HS2ST1: variants seen among roughly 807,000 people sequenced by gnomAD.
The protein encoded by HS2ST1 is 2-O-sulfotransferase.
HS2ST1 carries 18 observed loss-of-function variants against 42.9 expected under a neutral mutation model. That is an observed-to-expected ratio of 0.42 (90% confidence interval 0.29 to 0.62). HS2ST1 has a LOEUF of 0.62. Among genes scored for constraint, HS2ST1 ranks in the 20% least tolerant of loss-of-function variants. The pLI, the probability that HS2ST1 is intolerant of heterozygous loss-of-function variation, is 0.21. For missense variants in HS2ST1, 334 were observed against 433.8 expected (o/e 0.77, Z 2.04); for synonymous variants, 146 against 152.9 (o/e 0.95, Z 0.33).
At chr1:87,053,463 C>G (rs999877031) in intron 1 of HS2ST1, among the ~76,000 whole-genome samples, 1 of 152,014 alleles carries the variant, frequency 6.6e-6, no homozygotes, top group African/African-American at 2.4e-5. Context: ...ATTTTTCCAC[C>G]AGTATGTGCA....
At chr1:86,982,615 C>T (rs188673653) in intron 1 of HS2ST1, among the ~76,000 whole-genome samples, 8 of 152,124 alleles carry the variant, frequency 5.3e-5, no homozygotes, top group South Asian at 2.1e-4. Context: ...CCCAGGTTCA[C>T]GCCATTCTCC....
chr1:87,033,689 C>T (rs1330411088), intron 1 of HS2ST1, among the ~76,000 whole-genome samples: 1 of 152,004 alleles, frequency 6.6e-6, no homozygotes, highest in Non-Finnish European at 1.5e-5. Flanking sequence ...ATTACAGGCG[C>T]CTGCCACCAC....
rs142939722 is a variant in HS2ST1 at position 87,034,865 on chromosome 1, A to G, written c.125-38069A>G. Among the ~76,000 whole-genome samples the G allele has an allele frequency of 4.6e-5, 7 of 152,324 alleles. No homozygotes were observed. The East Asian group carries it at 1.3e-3, about 29-fold the overall frequency. On this transcript the variant is annotated intron_variant, in intron 1 of 6. Transcript: ENST00000370550. The stretch of plus-strand genomic sequence containing the variant: ...TATGTCACTTTATATGGCAAAAAGG[A>G]CTTTGTAGGTGTGATTAAATTAAGG...
At chr1:86,926,319 G>C (rs1274134580) in intron 1 of HS2ST1, among the ~76,000 whole-genome samples, 1 of 152,092 alleles carries the variant, frequency 6.6e-6, no homozygotes, top group African/African-American at 2.4e-5. Flanking sequence ...TCTGTTTTTA[G>C]CTCTGTCCTC....
chr1:87,063,518 G>A (rs760289280), intron 1 of HS2ST1, among the ~76,000 whole-genome samples: 3 of 151,982 alleles, frequency 2.0e-5, no homozygotes, highest in Non-Finnish European at 2.9e-5. Context: ...TGTATTTTTG[G>A]TAGAGACAAG....
At chr1:87,062,173 T>C (rs548554866) in intron 1 of HS2ST1, among the ~76,000 whole-genome samples, 1 of 152,154 alleles carries the variant, frequency 6.6e-6, no homozygotes, top group Non-Finnish European at 1.5e-5. Context: ...AATTTTGATT[T>C]GCTTATTTTC....
intron 1 of HS2ST1, 100 bp downstream of exon 1, chr1:86,915,260 G>C (rs1297944820): frequency 3.6e-6 from 5 of 1,379,046 alleles, no homozygotes; most frequent in African/African-American, 1.5e-5. Context: ...GGTCTGGCTC[G>C]GGGGCTGAAA....
intron 1 of HS2ST1, among the ~76,000 whole-genome samples, chr1:87,011,094 TTTCTTATAGAAAAATATTCCTATGAA>T (rs1327034306): frequency 6.6e-6 from 1 of 151,016 alleles, no homozygotes; most frequent in Admixed American, 6.6e-5. Flanking sequence ...CCTCTTCACA[TTTCTTATAGAAAAATATTCCTATGAA>T]TGAGTAGCAA....
chr1:86,936,081 C>T (rs1052340190), intron 1 of HS2ST1, among the ~76,000 whole-genome samples: 8 of 145,498 alleles, frequency 5.5e-5, no homozygotes, highest in African/African-American at 2.2e-4. Context: ...TGGCTTTCTA[C>T]TACATTTCTC....
At chr1:87,079,640 A>G (rs1166871959) in intron 2 of HS2ST1, among the ~76,000 whole-genome samples, 1 of 152,184 alleles carries the variant, frequency 6.6e-6, no homozygotes, top group Non-Finnish European at 1.5e-5. Flanking sequence ...TTAAATGCTG[A>G]TGAGATGAAA....
chr1:86,966,732 T>G (rs1050312802), intron 1 of HS2ST1, among the ~76,000 whole-genome samples: 1 of 152,222 alleles, frequency 6.6e-6, no homozygotes, highest in Admixed American at 6.5e-5. Context: ...CAGCACATGC[T>G]ACCATGCCCA....
chr1:86,967,010 G>C (rs1648067169), intron 1 of HS2ST1, among the ~76,000 whole-genome samples: 1 of 151,846 alleles, frequency 6.6e-6, no homozygotes, highest in South Asian at 2.1e-4. Context: ...TCCTGCATCA[G>C]CCTCCTGAGT....
intron 1 of HS2ST1, among the ~76,000 whole-genome samples, chr1:86,984,390 C>G (rs75988966): frequency 0.022 from 3,321 of 152,188 alleles, 115 homozygotes; most frequent in African/African-American, 0.076. Flanking sequence ...TTGGTTTCCT[C>G]GACGCTTTCT....
At chr1:86,946,193 GTTA>G (rs1300246640) in intron 1 of HS2ST1, among the ~76,000 whole-genome samples, 7 of 152,076 alleles carry the variant, frequency 4.6e-5, no homozygotes, top group Admixed American at 2.6e-4. Context: ...ACGTATTTTT[GTTA>G]TTATTGTTTA....
rs79959190 is a variant in HS2ST1, at chr1:86,965,027, G to T, written c.124+49867G>T. On this transcript the variant is annotated intron_variant, in intron 1 of 6. Coordinates refer to ENST00000370550, the MANE Select transcript of HS2ST1 (RefSeq NM_012262.4). Reference sequence around the variant, plus strand: ...TTACTGATAATGTGTGTAAATGACTGATCTGCTAGCCAAGATTAGGTGTGT... The same window carrying T: ...TTACTGATAATGTGTGTAAATGACTTATCTGCTAGCCAAGATTAGGTGTGT... 4.0e-3 allele frequency among the ~76,000 whole-genome samples: 614 copies of T among 152,266 alleles called. 5 individuals carry two copies. Among genetic ancestry groups the T allele is most frequent in the African/African-American group, 0.014 (577 of 41,540 alleles).
intron 1 of HS2ST1, among the ~76,000 whole-genome samples, chr1:86,917,309 A>C (rs952694847): frequency 3.3e-5 from 5 of 152,204 alleles, no homozygotes; most frequent in Admixed American, 6.5e-5. Flanking sequence ...ATTTGAGGTC[A>C]GGAGTTCGAG....
chr1:86,915,548 A>G (rs1022196837), intron 1 of HS2ST1, among the ~76,000 whole-genome samples: 8 of 152,288 alleles, frequency 5.3e-5, no homozygotes, highest in East Asian at 1.9e-4. Context: ...AAGCCCTGGC[A>G]ATGTCAGATG....
At chr1:87,042,955 C>T (rs978659664) in intron 1 of HS2ST1, among the ~76,000 whole-genome samples, 4 of 152,088 alleles carry the variant, frequency 2.6e-5, no homozygotes, top group African/African-American at 9.7e-5. Flanking sequence ...TGAAACCCAG[C>T]CCTCTCTAAT....
At chr1:86,959,196 C>T (rs1647756280) in intron 1 of HS2ST1, among the ~76,000 whole-genome samples, 1 of 152,190 alleles carries the variant, frequency 6.6e-6, no homozygotes, top group Non-Finnish European at 1.5e-5. Flanking sequence ...TATGTCCCCT[C>T]TCACTACTCT....
Sources: gnomAD v4.1 joint callset for allele counts (sites outside exome capture counted in the v4.1 genomes callset) on GRCh38, gnomAD v4.1.1 for gene constraint, MANE v1.5 for transcripts, NCBI Gene and HGNC (gene_info 2026-07-23, HGNC 2026-07-21) for gene names.